Variants in QDPR observed in about 807,000 individuals in gnomAD.
QDPR encodes dihydropteridine reductase.
In QDPR, 23 loss-of-function variants were observed where a neutral mutation model predicts 31.7. That is an observed-to-expected ratio of 0.73 (90% confidence interval 0.52 to 1.03). The LOEUF (loss-of-function observed/expected upper bound fraction) is 1.03. Among genes scored for constraint, QDPR ranks in the 50% least tolerant of loss-of-function variants. QDPR has a pLI of 0.00. For synonymous variants in QDPR, 124 were observed against 124.7 expected (o/e 0.99, Z 0.03); for missense variants, 324 against 323.8 (o/e 1.00, Z 0.00).
At chr4:17,489,122 C>T (rs1718070703) in intron 6 of QDPR, among the ~76,000 whole-genome samples, 1 of 152,228 alleles carries the variant, frequency 6.6e-6, no homozygotes, top group Non-Finnish European at 1.5e-5. Flanking sequence ...CTTCTTCACC[C>T]TCATCTGCAG....
intron 6 of QDPR, 99 bp downstream of exon 6, chr4:17,490,563 T>A: frequency 1.0e-6 from 1 of 998,072 alleles, no homozygotes; most frequent in Admixed American, 1.9e-5. Flanking sequence ...ACCACCCGGA[T>A]TGACGATCTC....
In QDPR at chr4:17,501,997, C is replaced by T; in HGVS notation, c.296-138G>A. ...TATCTACAGCAAGGTCTAACACAAA[C>T]AGCACAGGGCTCAGTGGTCAGAGAC... On this transcript the variant is annotated intron_variant, in intron 3 of 6. Coordinates refer to ENST00000281243, the MANE Select transcript of QDPR (RefSeq NM_000320.3). The T allele has an allele frequency of 3.0e-6, 3 of 995,542 alleles. No individual in the cohort carries two copies. The South Asian group carries it at 4.1e-5, about 14-fold the overall frequency. 61.7% of individuals were successfully genotyped at this position (995,542 alleles called of 1,614,324 possible).
At chr4:17,490,892 G>C (rs1170258914) in intron 5 of QDPR, 147 bp from the exon 6 acceptor site, 1 of 685,474 alleles carries the variant, frequency 1.5e-6, no homozygotes, top group Non-Finnish European at 2.7e-6. Context: ...GGAAAGATCA[G>C]ACAGAAAGAT....
chr4:17,499,831 A>G (rs531712777), intron 4 of QDPR, among the ~76,000 whole-genome samples: 10 of 152,236 alleles, frequency 6.6e-5, no homozygotes, highest in African/African-American at 2.2e-4. Flanking sequence ...GAGGCAAAGG[A>G]TTGCTTGAGC....
At position 17,489,879 on chromosome 4, in the gene QDPR, G is replaced by C. The variant is rs186624243; in HGVS notation, c.629+783C>G. ...CAGTCGTCAAAGCAGTTTACACAGA[G>C]GCACTACTGGGTCAGGCTGTCACCT... On this transcript the variant is annotated intron_variant, in intron 6 of 6. Coordinates refer to ENST00000281243, the MANE Select transcript of QDPR (RefSeq NM_000320.3). Among the ~76,000 whole-genome samples the C allele has an allele frequency of 3.0e-3, 462 of 152,292 alleles. 11 individuals carry two copies. The highest frequency in any genetic ancestry group is 0.027 in the Admixed American group (420 of 15,302).
chr4:17,503,222 G>A (rs1299686628), intron 3 of QDPR, among the ~76,000 whole-genome samples: 3 of 152,022 alleles, frequency 2.0e-5, no homozygotes, highest in Admixed American at 2.0e-4. Flanking sequence ...CTTATCACAG[G>A]GGATTTTTTT....
chr4:17,506,733 T>C (rs1272134743), intron 2 of QDPR, among the ~76,000 whole-genome samples: 3 of 152,256 alleles, frequency 2.0e-5, no homozygotes, highest in African/African-American at 4.8e-5. Flanking sequence ...CAACTTTCAC[T>C]ATTAAATTCA....
At chr4:17,511,922 A>G (rs780351233) in intron 1 of QDPR, 28 bp downstream of exon 1, 17 of 1,601,690 alleles carry the variant, frequency 1.1e-5, no homozygotes, top group Non-Finnish European at 1.0e-5. Flanking sequence ...CCCCGCGGAG[A>G]CCCAGCAGCC....
chr4:17,487,287 G>T, intron 6 of QDPR, 51 bp from the exon 7 acceptor site: 1 of 1,435,150 alleles, frequency 7.0e-7, no homozygotes, highest in Non-Finnish European at 9.8e-7. Context: ...AAAAATCTGG[G>T]CACATGCTGA....
chr4:17,498,116 C>T (rs2108991093), intron 4 of QDPR, among the ~76,000 whole-genome samples: 1 of 152,302 alleles, frequency 6.6e-6, no homozygotes, highest in South Asian at 2.1e-4. Context: ...TCTCCACCTT[C>T]TGAAAACCAC....
intron 2 of QDPR, among the ~76,000 whole-genome samples, chr4:17,508,466 T>C (rs1198118104): frequency 1.3e-5 from 2 of 152,110 alleles, no homozygotes; most frequent in African/African-American, 4.8e-5. Flanking sequence ...ATCAGATATG[T>C]AGACAAAGAC....
intron 2 of QDPR, among the ~76,000 whole-genome samples, chr4:17,508,831 G>A (rs541828893): frequency 6.6e-6 from 1 of 152,084 alleles, no homozygotes; most frequent in Non-Finnish European, 1.5e-5. Context: ...AACACAAATG[G>A]CTTTCCTAGT....
At chr4:17,493,644 A>G (rs538633065) in intron 4 of QDPR, among the ~76,000 whole-genome samples, 21 of 152,274 alleles carry the variant, frequency 1.4e-4, no homozygotes, top group Non-Finnish European at 2.8e-4. Flanking sequence ...ACACAGAGGC[A>G]GGGTAGGAGA....
In QDPR at chr4:17,491,538, TTC is replaced by T. The variant is rs771931627; in HGVS notation, c.545+692_545+693del. ...GAAACACCTCCAACAGTTTCCCATA[TTC>T]TCTCTCTCTCACACATACATACCCC... On this transcript the variant is annotated intron_variant, in intron 5 of 6. Transcript: ENST00000281243. Among the ~76,000 whole-genome samples the T allele has an allele frequency of 1.4e-4, 22 of 152,166 alleles. No homozygotes were observed. In the East Asian group the frequency reaches 4.1e-3, roughly 28 times the overall value.
intron 6 of QDPR, among the ~76,000 whole-genome samples, chr4:17,488,178 T>C (rs951466389): frequency 1.3e-5 from 2 of 152,002 alleles, no homozygotes; most frequent in African/African-American, 4.8e-5. Context: ...GGATGATTGC[T>C]TGAGCCCCGG....
chr4:17,492,362 G>A (rs372647348), intron 4 of QDPR, 22 bp from the exon 5 acceptor site: 474 of 1,593,264 alleles, frequency 3.0e-4, no homozygotes, highest in Non-Finnish European at 3.5e-4. Context: ...GGAGAAGATG[G>A]CTCAGTGACC....
intron 3 of QDPR, among the ~76,000 whole-genome samples, chr4:17,502,414 T>C (rs1718603530): frequency 6.6e-6 from 1 of 152,174 alleles, no homozygotes; most frequent in Non-Finnish European, 1.5e-5. Flanking sequence ...AATGGTAACA[T>C]ATGTCACACC....
Position 17,501,700 on chromosome 4 carries a change from T to C in QDPR, c.436+19A>G, listed in dbSNP as rs112111831. On this transcript the variant is annotated intron_variant, in intron 4 of 6. Coordinates refer to ENST00000281243, the MANE Select transcript of QDPR (RefSeq NM_000320.3). Reference sequence around the variant, plus strand: ...AAGGTAAGCAACCCCACTCCACAGATAGGGAAATAAAGGCTTACCAGGAGT... The same window carrying C: ...AAGGTAAGCAACCCCACTCCACAGACAGGGAAATAAAGGCTTACCAGGAGT... 1.5e-3 allele frequency: 2,428 copies of C among 1,613,098 alleles called. 23 individuals carry two copies. In the African/African-American group the frequency reaches 0.027, roughly 18 times the overall value.
chr4:17,493,014 A>C (rs188035253), intron 4 of QDPR, among the ~76,000 whole-genome samples: 2 of 152,278 alleles, frequency 1.3e-5, no homozygotes, highest in South Asian at 2.1e-4. Context: ...TCCACTTACC[A>C]CTAAATAAAT....
Sources: gnomAD v4.1 joint callset for allele counts (sites outside exome capture counted in the v4.1 genomes callset) on GRCh38, gnomAD v4.1.1 for gene constraint, MANE v1.5 for transcripts, NCBI Gene and HGNC (gene_info 2026-07-23, HGNC 2026-07-21) for gene names.